The following SBF2 variants were observed in gnomAD, a reference collection of about 807,000 sequenced individuals.
SBF2 encodes the protein myotubularin-related protein 13.
Under a neutral mutation model 225.2 loss-of-function variants are expected in SBF2, and 112 were observed. That is an observed-to-expected ratio of 0.50 (90% CI 0.43 to 0.58). The LOEUF is 0.58. Among genes scored for constraint, SBF2 ranks in the 20% least tolerant of loss-of-function variants. The probability of loss-of-function intolerance (pLI) is 0.00; values close to 1 mark genes in which losing one functional copy is unlikely to be tolerated. For synonymous variants in SBF2, 763 were observed against 773.3 expected, an observed-to-expected ratio of 0.99 and a Z score of 0.22; for missense variants, 1,996 against 2,206.2, an observed-to-expected ratio of 0.90 and a Z score of 1.91.
chr11:10,105,245 A>T, intron 2 of SBF2, among the ~76,000 whole-genome samples: 1 of 152,200 alleles, frequency 6.6e-6, no homozygotes, highest in East Asian at 1.9e-4. Flanking sequence ...GACCTGCAAA[A>T]GCCAGTCTTA....
chr11:9,938,077 G>A (rs1050069962), intron 16 of SBF2, among the ~76,000 whole-genome samples: 4 of 152,070 alleles, frequency 2.6e-5, no homozygotes, highest in African/African-American at 7.2e-5. Flanking sequence ...GGATCACGCG[G>A]TCAGGAGATC....
chr11:9,896,440 G>A (rs1861262263), intron 16 of SBF2, among the ~76,000 whole-genome samples: 1 of 152,006 alleles, frequency 6.6e-6, no homozygotes, highest in Admixed American at 6.6e-5. Flanking sequence ...TTCTGAGATG[G>A]GGATCATCTT....
At chr11:9,961,687 A>G (rs574631820) in intron 16 of SBF2, 22 of 354,162 alleles carry the variant, frequency 6.2e-5, no homozygotes, top group African/African-American at 4.2e-4. Flanking sequence ...TGCTTTAAAG[A>G]TGACTTTTCA....
intron 16 of SBF2, among the ~76,000 whole-genome samples, chr11:9,948,902 C>T (rs561311475): frequency 1.3e-5 from 2 of 152,242 alleles, no homozygotes; most frequent in African/African-American, 4.8e-5. Flanking sequence ...TACTTATTTG[C>T]TTTGTCTTCT....
chr11:9,903,412 G>T (rs537734546), intron 16 of SBF2, among the ~76,000 whole-genome samples: 69 of 152,268 alleles, frequency 4.5e-4, no homozygotes, highest in African/African-American at 1.6e-3. Context: ...AAATATCTGA[G>T]TCTCACAGCA....
chr11:10,304,413 A>G (rs1039397547), intron 1 of SBF2, among the ~76,000 whole-genome samples: 1 of 152,252 alleles, frequency 6.6e-6, no homozygotes, highest in Non-Finnish European at 1.5e-5. Flanking sequence ...AAAATTCTGA[A>G]ATTTCAGATA....
chr11:9,905,439 T>G (rs1351368742), intron 16 of SBF2, among the ~76,000 whole-genome samples: 1 of 152,210 alleles, frequency 6.6e-6, no homozygotes, highest in Non-Finnish European at 1.5e-5. Flanking sequence ...GGATTTTCCT[T>G]TGAATAACGA....
intron 16 of SBF2, among the ~76,000 whole-genome samples, chr11:9,917,927 T>C (rs1200818415): frequency 1.3e-5 from 2 of 151,526 alleles, no homozygotes; most frequent in Non-Finnish European, 2.9e-5. Context: ...TTCCACACTA[T>C]TTTGGTAAAC....
chr11:10,175,984 AC>A (rs1266089631), intron 2 of SBF2, among the ~76,000 whole-genome samples: 2 of 142,468 alleles, frequency 1.4e-5, no homozygotes, highest in African/African-American at 5.2e-5. Flanking sequence ...GACACAACAT[AC>A]CAGAATCTCT....
At chr11:9,856,978 G>A (rs1039448279) in intron 18 of SBF2, among the ~76,000 whole-genome samples, 3 of 151,880 alleles carry the variant, frequency 2.0e-5, no homozygotes, top group African/African-American at 2.4e-5. Flanking sequence ...TAGTAGAGAC[G>A]GGGTTTCACC....
chr11:10,159,936 A>G (rs1371548376), intron 2 of SBF2, among the ~76,000 whole-genome samples: 2 of 151,626 alleles, frequency 1.3e-5, no homozygotes, highest in African/African-American at 4.8e-5. Context: ...GACTGATTTG[A>G]GTAATGATAA....
At chr11:10,280,238 T>C (rs1037340353) in intron 1 of SBF2, among the ~76,000 whole-genome samples, 1 of 152,196 alleles carries the variant, frequency 6.6e-6, no homozygotes, top group Non-Finnish European at 1.5e-5. Flanking sequence ...ATGACAATTT[T>C]AGTTTCCAAA....
In SBF2 at chr11:9,998,347, G is replaced by A; in HGVS notation, c.894C>T (p.Gly298=). 1 of 1,604,696 alleles carries A rather than the reference G, an allele frequency of 6.2e-7. No individual in the cohort carries two copies. ...LDVIIADLDG[G]TIKIPECIHL... is the part of the protein sequence containing the mutation. Reference sequence around the variant, plus strand: ...GAATACATTCGGGAATTTTAATAGTGCCTCCATCCAAATCTGCTATGATTA... The same window carrying A: ...GAATACATTCGGGAATTTTAATAGTACCTCCATCCAAATCTGCTATGATTA... Residue 298 remains glycine, a synonymous_variant, in exon 9 of 40, where the codon GGC becomes GGT. Coordinates refer to ENST00000256190, the MANE Select transcript of SBF2 (RefSeq NM_030962.4).
intron 4 of SBF2, 123 bp from the exon 5 acceptor site, chr11:10,029,998 G>A (rs1949197788): frequency 2.7e-6 from 2 of 743,078 alleles, no homozygotes; most frequent in Admixed American, 4.1e-5. Context: ...AGTGAACATG[G>A]AATACATTTT....
chr11:10,097,065 T>C (rs1952052997), intron 2 of SBF2, among the ~76,000 whole-genome samples: 2 of 152,184 alleles, frequency 1.3e-5, no homozygotes, highest in South Asian at 2.1e-4. Flanking sequence ...TGTGATAGTA[T>C]TCAGAGGTGA....
chr11:10,056,953 T>C (rs779604617), intron 2 of SBF2, among the ~76,000 whole-genome samples: 1 of 151,990 alleles, frequency 6.6e-6, no homozygotes, highest in Non-Finnish European at 1.5e-5. Context: ...TCCAATCCCG[T>C]TCCTCCTCAC....
chr11:10,241,638 G>A (rs1291348804), intron 1 of SBF2, among the ~76,000 whole-genome samples: 1 of 151,996 alleles, frequency 6.6e-6, no homozygotes, highest in Non-Finnish European at 1.5e-5. Flanking sequence ...AGTATATTAT[G>A]AACAATGTTA....
intron 2 of SBF2, among the ~76,000 whole-genome samples, chr11:10,139,024 TAA>T (rs1236089037): frequency 1.4e-3 from 206 of 152,302 alleles, no homozygotes; most frequent in African/African-American, 4.5e-3. Context: ...GAAAACCATG[TAA>T]GAAACTAACT....
intron 17 of SBF2, among the ~76,000 whole-genome samples, chr11:9,889,324 T>A (rs1291229339): frequency 2.0e-5 from 3 of 152,230 alleles, no homozygotes; most frequent in South Asian, 2.1e-4. Context: ...CCTATTACCC[T>A]ACCCTGAATT....
Sources: allele counts gnomAD v4.1 joint callset (sites outside exome capture counted in the v4.1 genomes callset), GRCh38; gene constraint gnomAD v4.1.1; transcripts MANE v1.5; gene names NCBI Gene and HGNC (gene_info 2026-07-23, HGNC 2026-07-21).